The following DBH variants were observed in gnomAD, a reference collection of about 807,000 sequenced individuals.
DBH encodes the protein dopamine beta-hydroxylase (dopamine beta-monooxygenase).
Under a neutral mutation model 64.0 loss-of-function variants are expected in DBH, and 49 were observed. The observed-to-expected ratio is 0.77, with a 90% CI of 0.61 to 0.97. The LOEUF is 0.97. Ranked by LOEUF, DBH falls within the 50% of genes least tolerant of loss-of-function variation. DBH has a pLI of 0.00. For missense variants in DBH, 828 were observed against 826.6 expected (o/e 1.00, Z -0.02); for synonymous variants, 343 against 347.1 (o/e 0.99, Z 0.13).
intron 11 of DBH, chr9:133,657,449 GAGGAGA>G (rs1564215850): frequency 5.3e-6 from 2 of 379,734 alleles, no homozygotes; most frequent in Non-Finnish European, 9.0e-6. Flanking sequence ...AGAGGAGAGA[GAGGAGA>G]GAGGGAGAGG....
rs762809700 is a variant in DBH, at chr9:133,656,666, A to G, written c.1562+16A>G. 6.8e-6 allele frequency: 11 copies of G among 1,610,458 alleles called. No individual in the cohort carries two copies. The East Asian group carries it at 2.5e-4, about 36-fold the overall frequency. ...TCATCAACAGGTGAGGGCTCCCTGC[A>G]CAAGCTCCCTGCCCCCAGGGAACCC... On this transcript the variant is annotated intron_variant, in intron 10 of 11. Coordinates refer to ENST00000393056, the MANE Select transcript of DBH (RefSeq NM_000787.4).
At chr9:133,657,497 G>GA (rs1832349050) in intron 11 of DBH, among the ~76,000 whole-genome samples, 2 of 143,116 alleles carry the variant, frequency 1.4e-5, no homozygotes, top group African/African-American at 2.7e-5. Flanking sequence ...GAGAGAGAGA[G>GA]GAGAGAGAGA....
At chr9:133,646,547 C>T (rs1471305347) in intron 5 of DBH, among the ~76,000 whole-genome samples, 6 of 152,184 alleles carry the variant, frequency 3.9e-5, no homozygotes, top group Admixed American at 6.5e-5. Context: ...TGTTTTGAGA[C>T]GAAATCTCAC....
At position 133,641,020 on chromosome 9, in the gene DBH, A is replaced by G. The variant is rs540644447; in HGVS notation, c.486+1028A>G. ...AGGCAATATTGGCCTGGTGTGTGAC[A>G]GTCAGGTGGAGGAGGTGGCTAAGGA... is the stretch of plus-strand genomic sequence containing the variant. On this transcript the variant is annotated intron_variant, in intron 2 of 11. Transcript: ENST00000393056. Among the ~76,000 whole-genome samples, 233 of 152,268 alleles carry G rather than the reference A, an allele frequency of 1.5e-3. 1 individual carries two copies. Among genetic ancestry groups the G allele is most frequent in the Non-Finnish European group, 2.7e-3 (182 of 68,012 alleles).
intron 1 of DBH, among the ~76,000 whole-genome samples, chr9:133,638,308 C>T (rs1353525093): frequency 6.6e-6 from 1 of 152,232 alleles, no homozygotes; most frequent in East Asian, 1.9e-4. Context: ...GTGTCCCCAG[C>T]GGGGTTGCAT....
intron 1 of DBH, among the ~76,000 whole-genome samples, 161 bp from the exon 2 acceptor site, chr9:133,639,685 C>T (rs1435725171): frequency 6.6e-6 from 1 of 152,242 alleles, no homozygotes; most frequent in Non-Finnish European, 1.5e-5. Context: ...TGAGTGAAGC[C>T]ACAGCCCCAG....
intron 9 of DBH, among the ~76,000 whole-genome samples, chr9:133,654,114 TTA>T (rs34879977): frequency 2.5e-4 from 30 of 121,568 alleles, no homozygotes; most frequent in Admixed American, 1.2e-3. Context: ...TTATTTTATT[TTA>T]TATTTTATTT....
intron 9 of DBH, among the ~76,000 whole-genome samples, chr9:133,654,340 C>T (rs1003372979): frequency 4.6e-5 from 7 of 152,132 alleles, no homozygotes; most frequent in Non-Finnish European, 1.0e-4. Context: ...CTCATGTAAT[C>T]CCTCATGCTG....
intron 7 of DBH, 24 bp downstream of exon 7, chr9:133,651,801 GCCCC>G: frequency 4.7e-6 from 7 of 1,496,288 alleles, no homozygotes; most frequent in East Asian, 2.6e-5. Context: ...CCCCACCCCT[GCCCC>G]GCCCCCACAC....
Sources: gnomAD v4.1 joint callset for allele counts (sites outside exome capture counted in the v4.1 genomes callset) on GRCh38, gnomAD v4.1.1 for gene constraint, MANE v1.5 for transcripts, NCBI Gene and HGNC (gene_info 2026-07-23, HGNC 2026-07-21) for gene names.